MKLN1: variants seen among roughly 807,000 people sequenced by gnomAD.
MKLN1 encodes muskelin 1, also known as muskelin.
A neutral mutation model predicts 99.0 loss-of-function variants in MKLN1; 18 were observed. The ratio of observed to expected loss-of-function variants is 0.18; its 90% CI spans 0.13 to 0.27. MKLN1 has a LOEUF of 0.27. MKLN1 is among the 10% of genes least tolerant of loss of function. The probability of loss-of-function intolerance (pLI) is 1.00; values close to 1 mark genes in which losing one functional copy is unlikely to be tolerated. For synonymous variants in MKLN1, 288 were observed against 293.2 expected, an observed-to-expected ratio of 0.98 and a Z score of 0.18; for missense variants, 621 against 875.9, an observed-to-expected ratio of 0.71 and a Z score of 3.67.
At chr7:131,301,547 G>A (rs922535683) in intron 3 of MKLN1, among the ~76,000 whole-genome samples, 2 of 152,152 alleles carry the variant, frequency 1.3e-5, no homozygotes, top group Admixed American at 6.5e-5. Context: ...GAAGGCAAAC[G>A]TCAATTGTCC....
intron 4 of MKLN1, among the ~76,000 whole-genome samples, chr7:131,394,977 T>G (rs1217586529): frequency 6.6e-6 from 1 of 152,040 alleles, no homozygotes; most frequent in African/African-American, 2.4e-5. Context: ...TCCCAAATGT[T>G]GAAACACTTC....
chr7:131,117,386 C>T (rs974971882), intron 1 of MKLN1, among the ~76,000 whole-genome samples: 12 of 151,638 alleles, frequency 7.9e-5, no homozygotes, highest in East Asian at 1.9e-4. Context: ...GCCAAGATTG[C>T]GCCACTGCAC....
chr7:131,132,498 G>T (rs1203718019), intron 1 of MKLN1, among the ~76,000 whole-genome samples: 1 of 152,178 alleles, frequency 6.6e-6, no homozygotes, highest in Non-Finnish European at 1.5e-5. Context: ...AAATGATTGG[G>T]AAAGCCCCAG....
At chr7:131,420,612 A>G (rs1795164422) in intron 8 of MKLN1, among the ~76,000 whole-genome samples, 1 of 152,218 alleles carries the variant, frequency 6.6e-6, no homozygotes, top group African/African-American at 2.4e-5. Flanking sequence ...CAGGAGATAG[A>G]TCTAACCAAA....
At chr7:131,187,030 A>G (rs1047082555) in intron 2 of MKLN1, among the ~76,000 whole-genome samples, 9 of 152,236 alleles carry the variant, frequency 5.9e-5, no homozygotes, top group Non-Finnish European at 8.8e-5. Context: ...CAATACATTC[A>G]GGGAACTCCG....
At chr7:131,246,953 T>A (rs1025441739) in intron 3 of MKLN1, among the ~76,000 whole-genome samples, 17 of 152,026 alleles carry the variant, frequency 1.1e-4, no homozygotes, top group Non-Finnish European at 1.6e-4. Context: ...GAGAGTGGAA[T>A]GTGTGTGTGT....
At chr7:131,224,978 C>G (rs1034206903) in intron 3 of MKLN1, among the ~76,000 whole-genome samples, 2 of 150,914 alleles carry the variant, frequency 1.3e-5, no homozygotes, top group Non-Finnish European at 2.9e-5. Flanking sequence ...GAGGCTGAGG[C>G]AGGAGAATGG....
intron 2 of MKLN1, 123 bp from the exon 3 acceptor site, chr7:131,386,996 CT>C: frequency 1.2e-6 from 1 of 812,610 alleles, no homozygotes; most frequent in Non-Finnish European, 1.8e-6. Context: ...TTAAAAAAAT[CT>C]GCTAGTACAG....
intron 1 of MKLN1, among the ~76,000 whole-genome samples, chr7:131,135,793 G>A (rs1426135500): frequency 6.6e-6 from 1 of 152,188 alleles, no homozygotes; most frequent in Non-Finnish European, 1.5e-5. Flanking sequence ...GGCTTCAAGA[G>A]ATAGGCAGAA....
intron 16 of MKLN1, among the ~76,000 whole-genome samples, chr7:131,476,437 T>C (rs1796969805): frequency 6.6e-6 from 1 of 152,058 alleles, no homozygotes; most frequent in African/African-American, 2.4e-5. Flanking sequence ...CAAGTGAATT[T>C]AGCAAGATTA....
Position 131,173,968 on chromosome 7 carries a change from C to CTT in MKLN1, c.-296-28885_-296-28884dup, listed in dbSNP as rs796102760. Among the ~76,000 whole-genome samples the CTT allele has an allele frequency of 4.5e-3, 537 of 118,536 alleles. 25 individuals are homozygous for CTT. The highest frequency in any genetic ancestry group is 5.6e-3 in the Non-Finnish European group (302 of 53,688). The allele number at this position is 118,536 out of a possible 152,430, so 77.8% of individuals were successfully genotyped here. A position where few individuals can be genotyped will look rare whatever the true frequency, so the allele number is the denominator to read the frequency against. ...TTCTCCAGAGTTTAAAGACCTTTTT[C>CTT]TTTTTCTTTTTTTTTTTTTTTTGAG... On this transcript the variant is annotated intron_variant, in intron 2 of 7. Transcript: ENST00000416992.
intron 8 of MKLN1, among the ~76,000 whole-genome samples, chr7:131,427,811 C>G (rs1795402112): frequency 6.6e-6 from 1 of 152,044 alleles, no homozygotes; most frequent in Non-Finnish European, 1.5e-5. Flanking sequence ...GCCTCAGCCC[C>G]TCAAAGTGCT....
chr7:131,465,756 G>T (rs1796644736), intron 14 of MKLN1, among the ~76,000 whole-genome samples: 1 of 152,028 alleles, frequency 6.6e-6, no homozygotes, highest in Admixed American at 6.5e-5. Flanking sequence ...CGCCAGGATG[G>T]TCTCAATCTC....
chr7:131,475,778 G>T (rs1398316026), intron 16 of MKLN1, among the ~76,000 whole-genome samples: 3 of 152,120 alleles, frequency 2.0e-5, no homozygotes, highest in African/African-American at 4.8e-5. Context: ...ACCACTGCAC[G>T]CTGAACCTTG....
intron 3 of MKLN1, among the ~76,000 whole-genome samples, chr7:131,267,923 A>G (rs1220523525): frequency 1.3e-5 from 2 of 152,246 alleles, no homozygotes; most frequent in Non-Finnish European, 2.9e-5. Flanking sequence ...ACAACATTTT[A>G]TAATAATTTA....
chr7:131,261,234 C>T (rs1174748870), intron 3 of MKLN1, among the ~76,000 whole-genome samples: 1 of 152,116 alleles, frequency 6.6e-6, no homozygotes, highest in Non-Finnish European at 1.5e-5. Flanking sequence ...AAAGTATTTG[C>T]AAACTATGCA....
At chr7:131,460,894 AC>A (rs1283460276) in intron 12 of MKLN1, among the ~76,000 whole-genome samples, 3 of 152,240 alleles carry the variant, frequency 2.0e-5, no homozygotes, top group Admixed American at 6.5e-5. Context: ...TCTACCACTT[AC>A]GAAAGTAATT....
intron 1 of MKLN1, among the ~76,000 whole-genome samples, chr7:131,340,340 C>T (rs529889018): frequency 4.8e-5 from 6 of 125,450 alleles, no homozygotes; most frequent in Admixed American, 1.1e-4. Context: ...GTGCGTGGTG[C>T]GATCTTGGCT....
At chr7:131,199,315 A>G (rs1044769709) in intron 2 of MKLN1, among the ~76,000 whole-genome samples, 1 of 151,194 alleles carries the variant, frequency 6.6e-6, no homozygotes, top group Non-Finnish European at 1.5e-5. Flanking sequence ...GGAGTACAGT[A>G]GTGCAATCAT....
Sources: allele counts gnomAD v4.1 joint callset (sites outside exome capture counted in the v4.1 genomes callset), GRCh38; gene constraint gnomAD v4.1.1; transcripts MANE v1.5; gene names NCBI Gene and HGNC (gene_info 2026-07-23, HGNC 2026-07-21).